Variants in CACNB4 observed in about 807,000 individuals in gnomAD.
CACNB4 encodes calcium voltage-gated channel auxiliary subunit beta 4, also known as voltage-dependent L-type calcium channel subunit beta-4.
Under a neutral mutation model 71.2 loss-of-function variants are expected in CACNB4, and 32 were observed. That is an observed-to-expected ratio of 0.45 (90% confidence interval 0.34 to 0.60). The LOEUF (loss-of-function observed/expected upper bound fraction) is 0.60. CACNB4 is among the 20% of genes least tolerant of loss of function. The pLI is 0.01. For synonymous variants in CACNB4, 231 were observed against 236.9 expected (o/e 0.97, Z 0.23); for missense variants, 464 against 647.9 (o/e 0.72, Z 3.08).
intron 2 of CACNB4, among the ~76,000 whole-genome samples, chr2:151,890,668 T>C (rs1221190548): frequency 6.6e-6 from 1 of 152,218 alleles, no homozygotes; most frequent in African/African-American, 2.4e-5. Context: ...TTCCTCAGTA[T>C]TTTGTTAATA....
intron 2 of CACNB4, among the ~76,000 whole-genome samples, chr2:152,026,449 AT>A (rs1471577670): frequency 6.6e-6 from 1 of 151,172 alleles, no homozygotes; most frequent in Admixed American, 6.6e-5. Flanking sequence ...CAGTGGTGCC[AT>A]CTCTGCTCAC....
In CACNB4 at chr2:151,839,390, CAGAT is replaced by C; in HGVS notation, c.1303-15_1303-12del. On this transcript the variant is annotated splice_polypyrimidine_tract_variant and intron_variant, in intron 13 of 13. Transcript: ENST00000539935. ...CCTCATTCGCTGACTCTAAAAATAT[CAGAT>C]AGTTCATTGATTAAATAATGTCAGC... is the stretch of plus-strand genomic sequence containing the variant. The C allele has an allele frequency of 6.3e-7, 1 of 1,591,650 alleles. No individual in the cohort carries two copies. Among genetic ancestry groups the C allele is most frequent in the Non-Finnish European group, 8.6e-7 (1 of 1,163,312 alleles).
chr2:152,098,518 TC>T lies in CACNB4; in HGVS notation c.64-106del. 1 of 1,361,122 alleles carries T rather than the reference TC, an allele frequency of 7.3e-7. No individual in the cohort carries two copies. Among genetic ancestry groups the T allele is most frequent in the Non-Finnish European group, 1.0e-6 (1 of 956,350 alleles). The allele number at this position is 1,361,122 out of a possible 1,614,324, so 84.3% of individuals were successfully genotyped here. On this transcript the variant is annotated intron_variant, in intron 1 of 13. Coordinates refer to ENST00000539935, the MANE Select transcript of CACNB4 (RefSeq NM_000726.5). This position sits in a 1 kb window ranked among gnomAD's most constrained non-coding sequence, Gnocchi z 5.3. ...CCGCCTCCGGACCCGCTCCCTGGGG[TC>T]CCCTAGAGCCCGCACCCAAGTCTCC...
chr2:151,952,274 C>T (rs574886321), intron 2 of CACNB4, among the ~76,000 whole-genome samples: 3 of 152,220 alleles, frequency 2.0e-5, no homozygotes, highest in South Asian at 2.1e-4. Flanking sequence ...AAACAGTCCA[C>T]GGCTCATAGA....
chr2:151,882,048 T>C (rs2151447631), intron 3 of CACNB4, among the ~76,000 whole-genome samples: 1 of 151,896 alleles, frequency 6.6e-6, no homozygotes, highest in Non-Finnish European at 1.5e-5. Context: ...GCCCAGCTAT[T>C]TTTTGTATAT....
intron 2 of CACNB4, among the ~76,000 whole-genome samples, chr2:151,998,106 T>C (rs537539621): frequency 6.6e-6 from 1 of 152,232 alleles, no homozygotes; most frequent in Admixed American, 6.5e-5. Context: ...GGGGATCGCC[T>C]GAGGTCAGGA....
At chr2:151,967,049 T>G (rs1214868954) in intron 2 of CACNB4, 2 of 142,184 alleles carry the variant, frequency 1.4e-5, no homozygotes, top group East Asian at 4.1e-4. Flanking sequence ...ATTTTTTTTT[T>G]TTTTTTTTTT....
chr2:152,021,353 G>A (rs1228976903), intron 2 of CACNB4, among the ~76,000 whole-genome samples: 1 of 152,034 alleles, frequency 6.6e-6, no homozygotes, highest in East Asian at 1.9e-4. Flanking sequence ...ATTTTAGAAT[G>A]ATTTCAAATT....
chr2:151,965,999 A>C (rs2099870998), intron 2 of CACNB4, among the ~76,000 whole-genome samples: 1 of 152,250 alleles, frequency 6.6e-6, no homozygotes, highest in African/African-American at 2.4e-5. Context: ...TACCTTACTC[A>C]GTATGTACAA....
intron 2 of CACNB4, among the ~76,000 whole-genome samples, chr2:152,020,522 T>G (rs967077436): frequency 6.6e-6 from 1 of 152,150 alleles, no homozygotes; most frequent in Non-Finnish European, 1.5e-5. Context: ...TGATGTCTGA[T>G]GATAAAGAAA....
chr2:151,876,202 C>T (rs1465091262), intron 5 of CACNB4, among the ~76,000 whole-genome samples: 1 of 152,096 alleles, frequency 6.6e-6, no homozygotes, highest in African/African-American at 2.4e-5. Context: ...GGAGGGCTTG[C>T]TGAGGCCACA....
At position 152,098,220 on chromosome 2, in the gene CACNB4, C is replaced by A; in HGVS notation, c.147+110G>T. The stretch of plus-strand genomic sequence containing the variant: ...CCGGCCGAGGCCGGGAAGAGACGCG[C>A]GCGGGCTTGACCCGCAGCTCCCGCA... On this transcript the variant is annotated intron_variant, in intron 2 of 13. Coordinates refer to ENST00000539935, the MANE Select transcript of CACNB4 (RefSeq NM_000726.5). The surrounding 1 kb of genome is among the most constrained non-coding windows in gnomAD (Gnocchi z 5.3). The A allele has an allele frequency of 1.3e-6, 1 of 777,994 alleles. No homozygotes were observed. The highest frequency in any genetic ancestry group is 1.6e-5 in the South Asian group (1 of 62,358). 48.2% of individuals were successfully genotyped at this position (777,994 alleles called of 1,614,324 possible).
intron 2 of CACNB4, among the ~76,000 whole-genome samples, chr2:152,084,526 A>G (rs906893288): frequency 6.6e-6 from 1 of 152,160 alleles, no homozygotes; most frequent in Non-Finnish European, 1.5e-5. Context: ...TTAAGGTCCT[A>G]TGTCTCTAGG....
chr2:151,842,029 C>T lies in CACNB4; in HGVS notation c.1176G>A (p.Gly392=). ...CACGCCAGTACGCCTCCAGGTACTC[C>T]CCTAGATGTTCACATGCATCCTCAA... ...NQLEDACEHL[G]EYLEAYWRAT... Residue 392 remains glycine (G), a synonymous_variant, in exon 13 of 14, where the codon GGG becomes GGA. Coordinates refer to ENST00000539935, the MANE Select transcript of CACNB4 (RefSeq NM_000726.5). The T allele has an allele frequency of 1.2e-6, 2 of 1,613,780 alleles. No individual in the cohort carries two copies. Among genetic ancestry groups the T allele is most frequent in the Non-Finnish European group, 8.5e-7 (1 of 1,179,760 alleles).
intron 2 of CACNB4, among the ~76,000 whole-genome samples, chr2:152,027,021 CCCAG>C (rs1244703927): frequency 6.6e-6 from 1 of 152,116 alleles, no homozygotes; most frequent in Non-Finnish European, 1.5e-5. Context: ...ATTCTTCTAC[CCCAG>C]CCTCCTCAGT....
intron 2 of CACNB4, among the ~76,000 whole-genome samples, chr2:151,964,446 A>G (rs1223308826): frequency 1.3e-5 from 2 of 152,234 alleles, no homozygotes; most frequent in Non-Finnish European, 2.9e-5. Context: ...TTAGGATGTC[A>G]TCAAGGAAGA....
At chr2:151,869,057 C>T (rs1341337250) in intron 9 of CACNB4, 120 bp downstream of exon 9, 6 of 643,036 alleles carry the variant, frequency 9.3e-6, no homozygotes, top group Non-Finnish European at 1.7e-5. Context: ...CCCAAGAATA[C>T]TGAGTTAACT....
Position 152,098,564 on chromosome 2 carries a change from G to GCCCGC in CACNB4, c.64-152_64-151insGCGGG. 2 of 931,266 alleles carry GCCCGC rather than the reference G, an allele frequency of 2.1e-6. No individual in the cohort carries two copies. The highest frequency in any genetic ancestry group is 3.4e-6 in the Non-Finnish European group (2 of 583,194). 57.7% of individuals were successfully genotyped at this position (931,266 alleles called of 1,614,324 possible). On this transcript the variant is annotated intron_variant, in intron 1 of 13. Coordinates refer to ENST00000539935, the MANE Select transcript of CACNB4 (RefSeq NM_000726.5). The surrounding 1 kb of genome is among the most constrained non-coding windows in gnomAD (Gnocchi z 5.3). ...GTCTCCTCCGCGACTCCCAAATACAGCCCCCACCCCCACCCACCCACTGCA... is the reference window on the plus strand; with the variant it reads ...GTCTCCTCCGCGACTCCCAAATACAGCCCGCCCCCCACCCCCACCCACCCACTGCA...
At chr2:151,933,409 C>G (rs1339538853) in intron 2 of CACNB4, among the ~76,000 whole-genome samples, 2 of 151,934 alleles carry the variant, frequency 1.3e-5, no homozygotes, top group African/African-American at 2.4e-5. Flanking sequence ...TGATTATTTA[C>G]TAAATAATCA....
Sources: gnomAD v4.1 joint callset for allele counts (sites outside exome capture counted in the v4.1 genomes callset) on GRCh38, gnomAD v4.1.1 for gene constraint, Gnocchi (gnomAD v3.1) non-coding constraint, MANE v1.5 for transcripts, NCBI Gene and HGNC (gene_info 2026-07-23, HGNC 2026-07-21) for gene names.